The following AUTS2 variants were observed in gnomAD, a reference collection of about 807,000 sequenced individuals.
AUTS2 encodes the protein autism susceptibility gene 2 protein.
Under a neutral mutation model 112.4 loss-of-function variants are expected in AUTS2, and 17 were observed. The observed-to-expected ratio is 0.15, with a 90% confidence interval of 0.10 to 0.23. The LOEUF (loss-of-function observed/expected upper bound fraction) is 0.23. AUTS2 is among the 10% of genes least tolerant of loss of function. AUTS2 has a pLI of 1.00. For synonymous variants in AUTS2, 751 were observed against 702.7 expected (o/e 1.07, Z -1.09); for missense variants, 1,510 against 1,701.6 (o/e 0.89, Z 1.98).
At chr7:69,797,459 A>G (rs1199636085) in intron 1 of AUTS2, among the ~76,000 whole-genome samples, 1 of 152,220 alleles carries the variant, frequency 6.6e-6, no homozygotes, top group South Asian at 2.1e-4. Context: ...CTTCACAGGT[A>G]CGTGAAGCTC....
intron 4 of AUTS2, among the ~76,000 whole-genome samples, chr7:70,376,970 A>G (rs1001672443): frequency 2.6e-5 from 4 of 151,806 alleles, no homozygotes; most frequent in African/African-American, 9.7e-5. Flanking sequence ...CATCTGGCCT[A>G]TGTAAGTTAT....
At chr7:70,581,453 G>A (rs970914481) in intron 5 of AUTS2, among the ~76,000 whole-genome samples, 2 of 152,216 alleles carry the variant, frequency 1.3e-5, no homozygotes, top group Admixed American at 1.3e-4. Context: ...GGCTACTCAG[G>A]AGGCTGAGGT....
chr7:70,349,589 A>G (rs1012145451), intron 4 of AUTS2, among the ~76,000 whole-genome samples: 1 of 152,174 alleles, frequency 6.6e-6, no homozygotes, highest in Non-Finnish European at 1.5e-5. Context: ...TTCTTTGGCA[A>G]GCTACTTCTG....
chr7:69,730,259 C>G (rs184620700), intron 1 of AUTS2, among the ~76,000 whole-genome samples: 13 of 151,776 alleles, frequency 8.6e-5, no homozygotes, highest in Admixed American at 3.9e-4. Flanking sequence ...CGTACCTTTT[C>G]CAAGTTTGTT....
At chr7:70,404,240 T>C (rs1794440521) in intron 4 of AUTS2, among the ~76,000 whole-genome samples, 1 of 152,156 alleles carries the variant, frequency 6.6e-6, no homozygotes, top group South Asian at 2.1e-4. Context: ...TGGGACTTTG[T>C]CTTCTTTCAT....
chr7:69,777,635 T>C (rs2052124), intron 1 of AUTS2, among the ~76,000 whole-genome samples: 4,312 of 152,324 alleles, frequency 0.028, 81 homozygotes, highest in South Asian at 0.048. Flanking sequence ...TGCTTTGCAT[T>C]CAATAGGTGA....
intron 6 of AUTS2, among the ~76,000 whole-genome samples, chr7:70,699,845 G>A (rs1809348647): frequency 6.6e-6 from 1 of 152,136 alleles, no homozygotes; most frequent in Non-Finnish European, 1.5e-5. Flanking sequence ...ATGCACAATT[G>A]TCTACCACTT....
intron 4 of AUTS2, among the ~76,000 whole-genome samples, chr7:70,144,336 T>A (rs1056957735): frequency 6.6e-6 from 1 of 152,144 alleles, no homozygotes; most frequent in South Asian, 2.1e-4. Context: ...TTAAAATTAA[T>A]TTTTAAAATA....
At chr7:70,618,656 AC>A (rs1224708846) in intron 5 of AUTS2, among the ~76,000 whole-genome samples, 1 of 151,910 alleles carries the variant, frequency 6.6e-6, no homozygotes, top group Non-Finnish European at 1.5e-5. Context: ...GGACCCCCTC[AC>A]CCCACACACA....
At chr7:70,317,647 T>TGACAAGCATGAGTGGG (rs1749148745) in intron 4 of AUTS2, among the ~76,000 whole-genome samples, 1 of 152,172 alleles carries the variant, frequency 6.6e-6, no homozygotes, top group Admixed American at 6.5e-5. Flanking sequence ...TTTCCAACCC[T>TGACAAGCATGAGTGGG]GACAAGCATG....
intron 1 of AUTS2, among the ~76,000 whole-genome samples, chr7:69,620,985 T>A (rs1793627744): frequency 6.6e-6 from 1 of 152,192 alleles, no homozygotes; most frequent in South Asian, 2.1e-4. Context: ...GATCTTTTTG[T>A]TCCCCCTTTG....
chr7:70,701,561 T>C (rs2129547788), intron 6 of AUTS2, among the ~76,000 whole-genome samples: 1 of 152,326 alleles, frequency 6.6e-6, no homozygotes, highest in African/African-American at 2.4e-5. Context: ...TCCAGTTTCA[T>C]AGAGATTTTT....
At chr7:70,410,633 G>A (rs1337570210) in intron 4 of AUTS2, among the ~76,000 whole-genome samples, 2 of 151,338 alleles carry the variant, frequency 1.3e-5, no homozygotes, top group Non-Finnish European at 2.9e-5. Flanking sequence ...ATGTCTCTCA[G>A]GCTGGTCTGA....
chr7:70,671,433 G>C (rs1807636865), intron 5 of AUTS2, among the ~76,000 whole-genome samples: 1 of 152,170 alleles, frequency 6.6e-6, no homozygotes, highest in African/African-American at 2.4e-5. Flanking sequence ...CTCACCTTGG[G>C]ACTTGCTAAA....
At chr7:70,598,779 C>T (rs546620516) in intron 5 of AUTS2, among the ~76,000 whole-genome samples, 69 of 151,680 alleles carry the variant, frequency 4.5e-4, no homozygotes, top group Admixed American at 1.4e-3. Context: ...CCTTTTTTTT[C>T]TTTTTGTAAC....
At chr7:69,629,019 G>A (rs2129101081) in intron 1 of AUTS2, among the ~76,000 whole-genome samples, 1 of 152,288 alleles carries the variant, frequency 6.6e-6, no homozygotes, top group Admixed American at 6.5e-5. Flanking sequence ...TTTGAGAAAG[G>A]TCAGTCAGCT....
chr7:69,711,171 A>G (rs1463726378), intron 1 of AUTS2, among the ~76,000 whole-genome samples: 2 of 152,170 alleles, frequency 1.3e-5, no homozygotes, highest in Non-Finnish European at 2.9e-5. Flanking sequence ...TACACAGGGA[A>G]GAAAACAGCA....
intron 7 of AUTS2, among the ~76,000 whole-genome samples, chr7:70,764,005 A>C (rs1789742378): frequency 6.6e-6 from 1 of 152,164 alleles, no homozygotes; most frequent in Non-Finnish European, 1.5e-5. Context: ...AAGAAAAGAG[A>C]GGCAGAAACC....
chr7:69,692,084 A>G (rs1410227512), intron 1 of AUTS2, among the ~76,000 whole-genome samples: 1 of 152,156 alleles, frequency 6.6e-6, no homozygotes, highest in Non-Finnish European at 1.5e-5. Context: ...CTGTGTGTAT[A>G]TGCTTTAGAG....
Sources: gnomAD v4.1 joint callset for allele counts (sites outside exome capture counted in the v4.1 genomes callset) on GRCh38, gnomAD v4.1.1 for gene constraint, MANE v1.5 for transcripts, NCBI Gene and HGNC (gene_info 2026-07-23, HGNC 2026-07-21) for gene names.